The following BPIFB2 variants were observed in gnomAD, a reference collection of about 807,000 sequenced individuals.
BPIFB2 encodes BPI fold-containing family B member 2.
Under a neutral mutation model 50.1 loss-of-function variants are expected in BPIFB2, and 39 were observed. That is an observed-to-expected ratio of 0.78 (90% CI 0.60 to 1.02). The LOEUF (loss-of-function observed/expected upper bound fraction) is 1.02, where lower values mean the gene tolerates loss of function less well. Among genes scored for constraint, BPIFB2 ranks in the 50% least tolerant of loss-of-function variants. The probability of loss-of-function intolerance (pLI) is 0.00; values close to 1 mark genes in which losing one functional copy is unlikely to be tolerated. For synonymous variants in BPIFB2, 280 were observed against 256.3 expected, an observed-to-expected ratio of 1.09 and a Z score of -0.88; for missense variants, 574 against 585.8, an observed-to-expected ratio of 0.98 and a Z score of 0.21.
chr20:33,018,718 G>A lies in BPIFB2; in HGVS notation c.751G>A (p.Glu251Lys), dbSNP rs776452780. ...TGTGTTGCCAAGGCATGTGGGTACC[G>A]AGGGCTCCATGGCCACCGTGGGCCT... Reference protein sequence around the residue: ...PFVLPRHVGTEGSMATVGLSQ... With the variant: ...PFVLPRHVGTKGSMATVGLSQ... Residue 251 changes from glutamate to lysine, a missense_variant, in exon 9 of 16, where the codon GAG (glutamate) becomes AAG (lysine). Transcript: ENST00000170150. 1.1e-5 allele frequency: 17 copies of A among 1,614,094 alleles called. No homozygotes were observed. The East Asian group carries it at 3.1e-4, about 30-fold the overall frequency.
chr20:33,015,274 G>C (rs79240135), intron 5 of BPIFB2, among the ~76,000 whole-genome samples, 162 bp from the exon 6 acceptor site: 3 of 152,134 alleles, frequency 2.0e-5, no homozygotes, highest in Non-Finnish European at 4.4e-5. Flanking sequence ...TATGGGGCCA[G>C]TTATGCCAGC....
chr20:33,016,124 C>A (rs1171243121), intron 6 of BPIFB2, among the ~76,000 whole-genome samples: 1 of 152,066 alleles, frequency 6.6e-6, no homozygotes, highest in African/African-American at 2.4e-5. Context: ...CTCATTTTCT[C>A]TCTGCCCTAT....
At chr20:33,015,581 G>A in intron 6 of BPIFB2, 85 bp downstream of exon 6, 1 of 1,260,370 alleles carries the variant, frequency 7.9e-7, no homozygotes, top group Non-Finnish European at 1.1e-6. Context: ...TTCAGGCAGG[G>A]GGTACTTTGC....
intron 6 of BPIFB2, among the ~76,000 whole-genome samples, chr20:33,016,778 G>C (rs1221470426): frequency 6.6e-6 from 1 of 152,232 alleles, no homozygotes; most frequent in Non-Finnish European, 1.5e-5. Flanking sequence ...CACCTGGGCT[G>C]GGCTCCACGG....
chr20:33,011,061 G>A lies in BPIFB2; in HGVS notation c.147G>A (p.Leu49=). 1.9e-6 allele frequency: 3 copies of A among 1,614,102 alleles called. No individual in the cohort carries two copies. The highest frequency in any genetic ancestry group is 2.5e-6 in the Non-Finnish European group (3 of 1,179,998). ...GGAAAGCCCCTCTCCAGCGGGCCCT[G>A]CAGGTCACTGTCCCTCATTTCCTGG... The part of the protein sequence containing the change: ...EIGKAPLQRA[L]QVTVPHFLDW... The change falls in exon 3 of 16, where the codon CTG becomes CTA. Residue 49 remains leucine (L), a synonymous_variant. Transcript: ENST00000170150.
In BPIFB2 at chr20:33,009,961, C is replaced by T. The variant is rs548360229; in HGVS notation, c.110-1063C>T. Among the ~76,000 whole-genome samples the T allele has an allele frequency of 1.1e-4, 16 of 152,328 alleles. No individual in the cohort carries two copies. Among genetic ancestry groups the T allele is most frequent in the Non-Finnish European group, 2.1e-4 (14 of 68,034 alleles). ...GGAGTCTGAGGTCTGGGTGTGAGTT[C>T]CAGCTCAGCTGCAGATGGTTAGGTG... On this transcript the variant is annotated intron_variant, in intron 2 of 15. Coordinates refer to ENST00000170150, the MANE Select transcript of BPIFB2 (RefSeq NM_025227.3). This position sits in a 1 kb window ranked among gnomAD's most constrained non-coding sequence, Gnocchi z 4.2.
intron 7 of BPIFB2, 121 bp from the exon 8 acceptor site, chr20:33,018,138 C>T (rs533440704): frequency 5.9e-5 from 44 of 741,998 alleles, no homozygotes; most frequent in African/African-American, 3.0e-4. Flanking sequence ...TCTTTTGTTT[C>T]GTGGCCTGGC....
rs1001116607 is a variant in BPIFB2, at chr20:33,023,228, C to T, written c.1336-114C>T. 4.3e-5 allele frequency: 47 copies of T among 1,085,546 alleles called. 1 individual carries two copies. In the Admixed American group the frequency reaches 8.3e-4, roughly 19 times the overall value. The allele number at this position is 1,085,546 out of a possible 1,614,324, so 67.2% of individuals were successfully genotyped here. On this transcript the variant is annotated intron_variant, in intron 15 of 15. Transcript: ENST00000170150. The stretch of plus-strand genomic sequence containing the variant: ...GAGGCCCAGAGAGGCAAAGGACTCT[C>T]CTCACAACCCACAGCAAGAATGGCA...
chr20:33,018,890 C>G (rs1246350865), intron 9 of BPIFB2, 68 bp downstream of exon 9: 2 of 1,572,756 alleles, frequency 1.3e-6, no homozygotes, highest in Non-Finnish European at 1.7e-6. Context: ...CTAGGGAGAC[C>G]TCCCAGAGGC....
At chr20:33,021,877 TC>T in intron 15 of BPIFB2, 78 bp downstream of exon 15, 2 of 1,394,606 alleles carry the variant, frequency 1.4e-6, no homozygotes, top group Non-Finnish European at 2.0e-6. Flanking sequence ...CCTCTCTCCC[TC>T]CCCCTCTGTG....
Position 33,020,605 on chromosome 20 carries a change from G to A in BPIFB2, c.1194+18G>A, listed in dbSNP as rs532381596. The stretch of plus-strand genomic sequence containing the variant: ...TCATTGATGTGAGTGTGGGGCTGGG[G>A]CCTCTAGAAACCCCCGTCCTGGGTA... On this transcript the variant is annotated intron_variant, in intron 13 of 15. Coordinates refer to ENST00000170150, the MANE Select transcript of BPIFB2 (RefSeq NM_025227.3). 13 of 1,594,978 alleles carry A rather than the reference G, an allele frequency of 8.2e-6. No individual in the cohort carries two copies. The East Asian group carries it at 2.0e-4, about 25-fold the overall frequency.
chr20:33,023,252 C>T, intron 15 of BPIFB2, 90 bp from the exon 16 acceptor site: 2 of 1,308,998 alleles, frequency 1.5e-6, no homozygotes, highest in Non-Finnish European at 2.2e-6. Context: ...GCAAGAATGG[C>T]AGAGCAGAAC....
At position 33,009,607 on chromosome 20, in the gene BPIFB2, T is replaced by C. The variant is rs1441480179; in HGVS notation, c.109+924T>C. Among the ~76,000 whole-genome samples, 3 of 152,112 alleles carry C rather than the reference T, an allele frequency of 2.0e-5. No homozygotes were observed. Among genetic ancestry groups the C allele is most frequent in the Non-Finnish European group, 2.9e-5 (2 of 67,998 alleles). On this transcript the variant is annotated intron_variant, in intron 2 of 15. Transcript: ENST00000170150. This position sits in a 1 kb window ranked among gnomAD's most constrained non-coding sequence, Gnocchi z 4.2. Reference sequence around the variant, plus strand: ...AAACACAGCCTTCCGGGACCTCATATCCGGGCTGATGGGCAGGCAATGAAA... The same window carrying C: ...AAACACAGCCTTCCGGGACCTCATACCCGGGCTGATGGGCAGGCAATGAAA...
At position 33,011,103 on chromosome 20, in the gene BPIFB2, G is replaced by T. The variant is rs61734339; in HGVS notation, c.189G>T (p.Ala63=). ...VPHFLDWSGE[A]LQPTRIRILN... is the part of the protein sequence containing the mutation. ...ATTTCCTGGACTGGAGTGGAGAGGC[G>T]CTTCAGCCCACCAGGTGAGTGCTCC... The change falls in exon 3 of 16, where the codon GCG becomes GCT. Residue 63 remains alanine, a synonymous_variant. Coordinates refer to ENST00000170150, the MANE Select transcript of BPIFB2 (RefSeq NM_025227.3). 2.5e-6 allele frequency: 4 copies of T among 1,613,700 alleles called. No homozygotes were observed. The highest frequency in any genetic ancestry group is 2.2e-5 in the South Asian group (2 of 91,008).
chr20:33,020,524 C>G lies in BPIFB2; in HGVS notation c.1149-18C>G, dbSNP rs1180946731. The stretch of plus-strand genomic sequence containing the variant: ...GAGGTGCCAGACCCTGTCCTGAATT[C>G]TCCTGCTTCTCTTTCAGGGATGTCC... On this transcript the variant is annotated intron_variant, in intron 12 of 15. Transcript: ENST00000170150. 6.2e-7 allele frequency: 1 copy of G among 1,604,092 alleles called. No individual in the cohort carries two copies. The highest frequency in any genetic ancestry group is 8.5e-7 in the Non-Finnish European group (1 of 1,173,890).
Position 33,011,026 on chromosome 20 carries a change from T to C in BPIFB2, c.112T>C (p.Ser38Pro), listed in dbSNP as rs1222496101. 1.2e-6 allele frequency: 2 copies of C among 1,613,752 alleles called. No homozygotes were observed. The highest frequency in any genetic ancestry group is 3.3e-5 in the Admixed American group (2 of 59,984). Residue 38 changes from serine (S) to proline (P), a missense_variant and splice_region_variant, in exon 3 of 16, where the codon TCT (serine) becomes CCT (proline). Coordinates refer to ENST00000170150, the MANE Select transcript of BPIFB2 (RefSeq NM_025227.3). Reference sequence around the variant, plus strand: ...CTCACTCTACCCTGGCCCCACAGTGTCTGAAATTGGGAAAGCCCCTCTCCA... The same window carrying C: ...CTCACTCTACCCTGGCCCCACAGTGCCTGAAATTGGGAAAGCCCCTCTCCA... ...RLNKAALSYV[S>P]EIGKAPLQRA...
In BPIFB2 at chr20:33,013,587, C is replaced by G. The variant is rs192435996; in HGVS notation, c.309-223C>G. ...CTCACAGTGAGAGGCTCCGGACAGCCAGTGCTCACACCCACTGCTGCAACG... is the reference window on the plus strand; with the variant it reads ...CTCACAGTGAGAGGCTCCGGACAGCGAGTGCTCACACCCACTGCTGCAACG... On this transcript the variant is annotated intron_variant, in intron 4 of 15. Coordinates refer to ENST00000170150, the MANE Select transcript of BPIFB2 (RefSeq NM_025227.3). Among the ~76,000 whole-genome samples, 113 of 152,314 alleles carry G rather than the reference C, an allele frequency of 7.4e-4. 1 individual carries two copies. Among genetic ancestry groups the G allele is most frequent in the Admixed American group, 5.9e-3 (91 of 15,306 alleles).
rs991862055 is a variant in BPIFB2, at chr20:33,023,553, A to G, written c.*170A>G. The G allele has an allele frequency of 8.4e-6, 6 of 712,496 alleles. No individual in the cohort carries two copies. Among genetic ancestry groups the G allele is most frequent in the South Asian group, 1.7e-5 (1 of 58,572 alleles). 44.1% of individuals were successfully genotyped at this position (712,496 alleles called of 1,614,324 possible). On this transcript the variant is annotated 3_prime_UTR_variant, in exon 16 of 16. Transcript: ENST00000170150. ...CTGAGTGCCTGGGTCTCCCTCCCTCACTTCTGCCCTTTCCCTTCCTCCTCC... is the reference window on the plus strand; with the variant it reads ...CTGAGTGCCTGGGTCTCCCTCCCTCGCTTCTGCCCTTTCCCTTCCTCCTCC...
intron 10 of BPIFB2, among the ~76,000 whole-genome samples, 198 bp from the exon 11 acceptor site, chr20:33,019,382 C>T (rs1310608134): frequency 6.6e-6 from 1 of 152,170 alleles, no homozygotes; most frequent in Non-Finnish European, 1.5e-5. Context: ...AGCTCAAGGT[C>T]ACCTCCTCGG....
Sources: allele counts gnomAD v4.1 joint callset (sites outside exome capture counted in the v4.1 genomes callset), GRCh38; gene constraint gnomAD v4.1.1; non-coding constraint Gnocchi (gnomAD v3.1); transcripts MANE v1.5; gene names NCBI Gene and HGNC (gene_info 2026-07-23, HGNC 2026-07-21).